Variants in EYA2 observed in about 807,000 individuals in gnomAD.
The protein encoded by EYA2 is protein phosphatase EYA2.
A neutral mutation model predicts 69.2 loss-of-function variants in EYA2; 31 were observed. The observed-to-expected ratio is 0.45, with a 90% CI of 0.34 to 0.60. EYA2 has a LOEUF of 0.60. Ranked by LOEUF, EYA2 falls within the 20% of genes least tolerant of loss-of-function variation. EYA2 has a pLI of 0.02. For synonymous variants in EYA2, 257 were observed against 279.4 expected, an observed-to-expected ratio of 0.92 and a Z score of 0.80; for missense variants, 622 against 701.2, an observed-to-expected ratio of 0.89 and a Z score of 1.28.
chr20:47,105,680 C>T (rs956135962), intron 9 of EYA2, among the ~76,000 whole-genome samples: 1 of 151,020 alleles, frequency 6.6e-6, no homozygotes, highest in African/African-American at 2.4e-5. Context: ...CCACCTGATG[C>T]GTTAAATATG....
chr20:47,172,896 G>A (rs1194373160), intron 12 of EYA2, 29 bp downstream of exon 12: 2 of 1,584,208 alleles, frequency 1.3e-6, no homozygotes, highest in African/African-American at 1.3e-5. Flanking sequence ...GGGCCTCCGA[G>A]GAAGGGAAAC....
intron 8 of EYA2, among the ~76,000 whole-genome samples, chr20:47,095,021 ATT>A (rs1568774929): frequency 1.2e-4 from 18 of 151,704 alleles, no homozygotes; most frequent in South Asian, 2.1e-4. Context: ...CTCAAAAAAA[ATT>A]TTTTTAATTA....
At chr20:47,148,809 T>C (rs2033761273) in intron 10 of EYA2, among the ~76,000 whole-genome samples, 1 of 152,208 alleles carries the variant, frequency 6.6e-6, no homozygotes, top group Non-Finnish European at 1.5e-5. Flanking sequence ...AGCCCCACTC[T>C]ACTGCACTCA....
chr20:47,168,989 G>C (rs1362216703), intron 10 of EYA2, 150 bp from the exon 11 acceptor site: 17 of 669,694 alleles, frequency 2.5e-5, no homozygotes, highest in Non-Finnish European at 7.9e-6. Context: ...CTAACCTTGA[G>C]TATCCAAATC....
intron 1 of EYA2, among the ~76,000 whole-genome samples, chr20:46,960,755 C>G (rs1979425977): frequency 6.6e-6 from 1 of 152,224 alleles, no homozygotes; most frequent in Non-Finnish European, 1.5e-5. Context: ...CAGCGTGACC[C>G]ACAAAGCCTG....
intron 9 of EYA2, among the ~76,000 whole-genome samples, chr20:47,131,953 C>G (rs946638105): frequency 1.3e-5 from 2 of 152,152 alleles, no homozygotes; most frequent in African/African-American, 2.4e-5. Context: ...TCTTTCTAAA[C>G]TAAAATGCAC....
At position 47,130,269 on chromosome 20, in the gene EYA2, T is replaced by TTTTTTTTC. The variant is rs1204701094; in HGVS notation, c.889-12783_889-12782insCTTTTTTT. ...AAAAGAAGGTTTATTTTCTTTTTTT[T>TTTTTTTTC]TTTTTTTTTTTTTGAGACAGAGTCT... On this transcript the variant is annotated intron_variant, in intron 9 of 15. Transcript: ENST00000327619. 5.4e-4 allele frequency among the ~76,000 whole-genome samples: 66 copies of TTTTTTTTC among 121,284 alleles called. 4 individuals carry two copies. Among genetic ancestry groups the TTTTTTTTC allele is most frequent in the African/African-American group, 2.4e-3 (63 of 26,696 alleles). The allele number at this position is 121,284 out of a possible 152,430, so 79.6% of individuals were successfully genotyped here.
intron 5 of EYA2, among the ~76,000 whole-genome samples, chr20:47,035,851 A>T (rs1024937915): frequency 2.0e-5 from 3 of 151,936 alleles, no homozygotes; most frequent in Non-Finnish European, 4.4e-5. Flanking sequence ...CTGAAAAAAA[A>T]AAAGAAAAAG....
chr20:46,974,680 C>T (rs1340818495), intron 1 of EYA2, among the ~76,000 whole-genome samples: 1 of 151,928 alleles, frequency 6.6e-6, no homozygotes, highest in Non-Finnish European at 1.5e-5. Context: ...AGGAAGAGTC[C>T]TTGGTGTTTT....
At chr20:47,066,788 A>G (rs962980029) in intron 5 of EYA2, among the ~76,000 whole-genome samples, 2 of 152,228 alleles carry the variant, frequency 1.3e-5, no homozygotes, top group African/African-American at 4.8e-5. Context: ...GGGACCCTCC[A>G]GGAGACCTGC....
chr20:46,940,967 AT>A (rs1986130785), intron 1 of EYA2, among the ~76,000 whole-genome samples: 1 of 152,126 alleles, frequency 6.6e-6, no homozygotes, highest in Admixed American at 6.5e-5. Context: ...TGCAAGCACC[AT>A]TTCTGACTTT....
rs180685978 is a variant in EYA2 at position 47,105,878 on chromosome 20, A to G, written c.888+8710A>G. 2.2e-3 allele frequency among the ~76,000 whole-genome samples: 331 copies of G among 152,276 alleles called. 3 individuals are homozygous for G. Among genetic ancestry groups the G allele is most frequent in the Admixed American group, 6.6e-3 (101 of 15,292 alleles). On this transcript the variant is annotated intron_variant, in intron 9 of 15. Transcript: ENST00000327619. The stretch of plus-strand genomic sequence containing the variant: ...AATCAAAATTGATGCCAAAAAATCG[A>G]TCATGAAAGAAAATCAAAATGTAAA...
intron 8 of EYA2, among the ~76,000 whole-genome samples, chr20:47,094,964 T>C (rs958092929): frequency 2.6e-5 from 4 of 152,138 alleles, no homozygotes; most frequent in East Asian, 3.9e-4. Flanking sequence ...CCTGGAGAGG[T>C]CTAGGCTGCA....
chr20:47,178,911 T>C (rs1003556182), intron 12 of EYA2, among the ~76,000 whole-genome samples: 1 of 150,650 alleles, frequency 6.6e-6, no homozygotes, highest in Non-Finnish European at 1.5e-5. Flanking sequence ...ATTTTCTCCC[T>C]ATGGTGAGCA....
intron 9 of EYA2, among the ~76,000 whole-genome samples, chr20:47,129,619 A>T (rs1206825): frequency 0.63 from 96,212 of 151,976 alleles, 32,238 homozygotes; most frequent in African/African-American, 0.87. Context: ...CAGCTCTGAT[A>T]GTTGTTTTAA....
chr20:46,905,764 C>A (rs1984321480), intron 1 of EYA2, among the ~76,000 whole-genome samples: 1 of 152,104 alleles, frequency 6.6e-6, no homozygotes, highest in African/African-American at 2.4e-5. Flanking sequence ...CCCTCTGAGC[C>A]CCAATCTCCT....
intron 1 of EYA2, among the ~76,000 whole-genome samples, chr20:46,909,987 G>T (rs1214436023): frequency 6.6e-6 from 1 of 152,106 alleles, no homozygotes; most frequent in Non-Finnish European, 1.5e-5. Flanking sequence ...TTCCCCATGG[G>T]CCTGGAAGAT....
At chr20:47,128,815 C>A (rs2033263297) in intron 9 of EYA2, among the ~76,000 whole-genome samples, 3 of 152,104 alleles carry the variant, frequency 2.0e-5, no homozygotes, top group African/African-American at 7.2e-5. Flanking sequence ...CACACATATT[C>A]ATATATTCAT....
chr20:47,021,128 A>G (rs545997426), intron 5 of EYA2, among the ~76,000 whole-genome samples: 22 of 152,118 alleles, frequency 1.4e-4, no homozygotes, highest in Non-Finnish European at 2.8e-4. Flanking sequence ...CGCTCTCTAA[A>G]CGTTAATTAT....
Sources: allele counts gnomAD v4.1 joint callset (sites outside exome capture counted in the v4.1 genomes callset), GRCh38; gene constraint gnomAD v4.1.1; transcripts MANE v1.5; gene names NCBI Gene and HGNC (gene_info 2026-07-23, HGNC 2026-07-21).